Variants in NCKAP5 observed in about 807,000 individuals in gnomAD.
The protein encoded by NCKAP5 is nck-associated protein 5.
Under a neutral mutation model 167.0 loss-of-function variants are expected in NCKAP5, and 92 were observed. The ratio of observed to expected loss-of-function variants is 0.55; its 90% CI spans 0.47 to 0.66. NCKAP5 has a LOEUF of 0.66. NCKAP5 is among the 30% of genes least tolerant of loss of function. The pLI is 0.00. For missense variants in NCKAP5, 2,378 were observed against 2,315.0 expected (o/e 1.03, Z -0.56); for synonymous variants, 891 against 877.4 (o/e 1.02, Z -0.27).
At chr2:133,063,374 T>C (rs1315175177) in intron 6 of NCKAP5, among the ~76,000 whole-genome samples, 1 of 152,224 alleles carries the variant, frequency 6.6e-6, no homozygotes, top group East Asian at 1.9e-4. Flanking sequence ...CTGAACTGTT[T>C]GAAGTTACAT....
chr2:132,883,879 T>C (rs1691993941), intron 8 of NCKAP5, among the ~76,000 whole-genome samples: 1 of 152,232 alleles, frequency 6.6e-6, no homozygotes, highest in Non-Finnish European at 1.5e-5. Flanking sequence ...GCTTGAAAAG[T>C]TTCAACTGTA....
chr2:132,751,577 G>A (rs1161196572), intron 16 of NCKAP5, among the ~76,000 whole-genome samples: 2 of 152,134 alleles, frequency 1.3e-5, no homozygotes, highest in Non-Finnish European at 2.9e-5. Flanking sequence ...GGTTTATTGT[G>A]GAGCAATGCA....
At chr2:133,498,433 CGGAAGGAAGGAAGGAA>C (rs749222948) in intron 3 of NCKAP5, among the ~76,000 whole-genome samples, 76 of 100,380 alleles carry the variant, frequency 7.6e-4, no homozygotes, top group East Asian at 3.5e-3. Context: ...ATGAGAAAAA[CGGAAGGAAGGAAGGAA>C]GGAAGGAAGG....
chr2:133,132,417 C>T (rs553224121), intron 5 of NCKAP5, among the ~76,000 whole-genome samples: 2 of 150,764 alleles, frequency 1.3e-5, no homozygotes, highest in Non-Finnish European at 3.0e-5. Context: ...ATGAGAGAAC[C>T]TTTTCCACAT....
chr2:133,483,247 G>A (rs1680615167), intron 3 of NCKAP5, among the ~76,000 whole-genome samples: 1 of 152,062 alleles, frequency 6.6e-6, no homozygotes, highest in South Asian at 2.1e-4. Context: ...CATTATTATG[G>A]TGCATCTGGT....
At chr2:133,206,465 T>C (rs2085957628) in intron 5 of NCKAP5, among the ~76,000 whole-genome samples, 1 of 152,228 alleles carries the variant, frequency 6.6e-6, no homozygotes, top group Non-Finnish European at 1.5e-5. Flanking sequence ...ACTTCCCTAA[T>C]AATACTCTTA....
At chr2:133,361,887 T>C (rs1282113595) in intron 3 of NCKAP5, among the ~76,000 whole-genome samples, 12 of 152,244 alleles carry the variant, frequency 7.9e-5, no homozygotes, top group Non-Finnish European at 1.6e-4. Context: ...CTATTGGTTT[T>C]ATAGTTTTGA....
intron 3 of NCKAP5, among the ~76,000 whole-genome samples, chr2:133,475,701 T>C (rs1470460487): frequency 6.6e-6 from 1 of 152,178 alleles, no homozygotes; most frequent in Non-Finnish European, 1.5e-5. Context: ...TTTCCACAGA[T>C]GTACAGAAAA....
chr2:133,159,960 T>G lies in NCKAP5; in HGVS notation c.208-29849A>C, dbSNP rs767228339. On this transcript the variant is annotated intron_variant, in intron 5 of 19. Transcript: ENST00000409261. Reference sequence around the variant, plus strand: ...AAAGGAAGGGAACTGTTTGTACACATGATGGGGATATGTAGTCCCTCTCTC... The same window carrying G: ...AAAGGAAGGGAACTGTTTGTACACAGGATGGGGATATGTAGTCCCTCTCTC... Among the ~76,000 whole-genome samples the G allele has an allele frequency of 6.8e-3, 1,039 of 152,278 alleles. 5 individuals are homozygous for G. Among genetic ancestry groups the G allele is most frequent in the Non-Finnish European group, 0.011 (775 of 68,014 alleles).
intron 3 of NCKAP5, among the ~76,000 whole-genome samples, chr2:133,503,960 T>G (rs1016746142): frequency 6.6e-6 from 1 of 152,060 alleles, no homozygotes; most frequent in Admixed American, 6.6e-5. Flanking sequence ...CTCCTCTGAA[T>G]AGAAACTCCC....
intron 6 of NCKAP5, among the ~76,000 whole-genome samples, chr2:133,066,617 C>G (rs993996804): frequency 6.6e-6 from 1 of 152,198 alleles, no homozygotes; most frequent in South Asian, 2.1e-4. Context: ...TTCCATTACA[C>G]AGAATAAAAG....
intron 3 of NCKAP5, among the ~76,000 whole-genome samples, chr2:133,462,991 T>G (rs1692298878): frequency 6.6e-6 from 1 of 152,244 alleles, no homozygotes. Context: ...TACTTCCATC[T>G]GCGTTTTATG....
In NCKAP5 at chr2:132,874,726, G is replaced by A. The variant is rs559917310; in HGVS notation, c.648+4122C>T. On this transcript the variant is annotated intron_variant, in intron 9 of 19. Coordinates refer to ENST00000409261, the MANE Select transcript of NCKAP5 (RefSeq NM_207363.3). ...GAAGAAGCAGTTTCTCCAACTTTTC[G>A]TGCAGAAGCTCCTCCTGGAATGTTT... 4.9e-4 allele frequency among the ~76,000 whole-genome samples: 75 copies of A among 152,104 alleles called. 1 individual carries two copies. The highest frequency in any genetic ancestry group is 2.9e-3 in the South Asian group (14 of 4,798).
At chr2:132,980,472 G>C (rs547539085) in intron 7 of NCKAP5, among the ~76,000 whole-genome samples, 1 of 152,120 alleles carries the variant, frequency 6.6e-6, no homozygotes, top group Non-Finnish European at 1.5e-5. Flanking sequence ...CCAAATTTGA[G>C]AGTCACTGGT....
chr2:132,935,960 C>T (rs963048701), intron 8 of NCKAP5, among the ~76,000 whole-genome samples: 1 of 151,710 alleles, frequency 6.6e-6, no homozygotes, highest in African/African-American at 2.4e-5. Context: ...AGTTAAACTA[C>T]CTTAAATAAT....
chr2:133,362,637 T>C (rs996877732), intron 3 of NCKAP5, among the ~76,000 whole-genome samples: 10 of 152,064 alleles, frequency 6.6e-5, no homozygotes, highest in Non-Finnish European at 1.2e-4. Flanking sequence ...TCACTAGGAG[T>C]TACAGGGGCT....
intron 8 of NCKAP5, among the ~76,000 whole-genome samples, chr2:132,918,091 G>C (rs1183959682): frequency 6.6e-6 from 1 of 152,026 alleles, no homozygotes; most frequent in Non-Finnish European, 1.5e-5. Flanking sequence ...GACTATAATG[G>C]GCTCCTTAAA....
chr2:132,709,442 A>G lies in NCKAP5; in HGVS notation c.5713+16185T>C, dbSNP rs193208224. 2.0e-4 allele frequency among the ~76,000 whole-genome samples: 31 copies of G among 152,154 alleles called. No homozygotes were observed. The East Asian group carries it at 4.2e-3, about 21-fold the overall frequency. ...GGTTTCTGGAAAAGACAAAATTGGC[A>G]AACCACTAGGAAGTCTTAAAAAAAG... On this transcript the variant is annotated intron_variant, in intron 19 of 19. Transcript: ENST00000409261.
chr2:132,889,527 A>G (rs1692516657), intron 8 of NCKAP5, among the ~76,000 whole-genome samples: 1 of 152,138 alleles, frequency 6.6e-6, no homozygotes, highest in Non-Finnish European at 1.5e-5. Context: ...GAAAACTACA[A>G]TGCAATAGGA....
Sources: gnomAD v4.1 joint callset for allele counts (sites outside exome capture counted in the v4.1 genomes callset) on GRCh38, gnomAD v4.1.1 for gene constraint, MANE v1.5 for transcripts, NCBI Gene and HGNC (gene_info 2026-07-23, HGNC 2026-07-21) for gene names.